ADCK1: variants seen among roughly 807,000 people sequenced by gnomAD.
ADCK1 encodes aarF domain-containing protein kinase 1.
ADCK1 carries 41 observed loss-of-function variants against 52.3 expected under a neutral mutation model. The ratio of observed to expected loss-of-function variants is 0.78; its 90% CI spans 0.61 to 1.02. The LOEUF (loss-of-function observed/expected upper bound fraction) is 1.02. Among genes scored for constraint, ADCK1 ranks in the 50% least tolerant of loss-of-function variants. The pLI is 0.00. For synonymous variants in ADCK1, 250 were observed against 274.6 expected (o/e 0.91, Z 0.89); for missense variants, 658 against 679.5 (o/e 0.97, Z 0.35).
chr14:77,801,645 G>A (rs1187754250), intron 1 of ADCK1, among the ~76,000 whole-genome samples: 1 of 152,044 alleles, frequency 6.6e-6, no homozygotes, highest in Non-Finnish European at 1.5e-5. Context: ...GGACCTGTAA[G>A]AATATTAGTT....
chr14:77,868,601 G>A (rs989848752), intron 4 of ADCK1, among the ~76,000 whole-genome samples: 2 of 152,178 alleles, frequency 1.3e-5, no homozygotes, highest in Non-Finnish European at 2.9e-5. Context: ...CAGGCTGCAC[G>A]TGGGGTGCCT....
intron 9 of ADCK1, among the ~76,000 whole-genome samples, chr14:77,930,621 C>T (rs921854625): frequency 6.6e-6 from 1 of 152,168 alleles, no homozygotes; most frequent in Non-Finnish European, 1.5e-5. Flanking sequence ...CACGTCCCAT[C>T]TCACCACTTA....
At chr14:77,899,372 A>C in intron 6 of ADCK1, 114 bp downstream of exon 6, 1 of 1,392,430 alleles carries the variant, frequency 7.2e-7, no homozygotes, top group Non-Finnish European at 9.9e-7. Flanking sequence ...CTTCTTCCTG[A>C]GTCCTCTTAC....
At chr14:77,857,312 C>A (rs1056026785) in intron 3 of ADCK1, among the ~76,000 whole-genome samples, 4 of 151,866 alleles carry the variant, frequency 2.6e-5, no homozygotes, top group African/African-American at 9.7e-5. Context: ...GACCCTTTCT[C>A]AAAAAAAATT....
chr14:77,915,435 A>G (rs2083899474), intron 7 of ADCK1, among the ~76,000 whole-genome samples: 1 of 148,482 alleles, frequency 6.7e-6, no homozygotes, highest in African/African-American at 2.5e-5. Flanking sequence ...GTGATAAATT[A>G]TGCTGCTATA....
intron 3 of ADCK1, among the ~76,000 whole-genome samples, chr14:77,858,041 A>G (rs2082458928): frequency 6.6e-6 from 1 of 152,168 alleles, no homozygotes; most frequent in Non-Finnish European, 1.5e-5. Flanking sequence ...CAACTCTGGA[A>G]GGACCGGTGA....
intron 10 of ADCK1, among the ~76,000 whole-genome samples, chr14:77,932,200 C>A (rs756242995): frequency 9.9e-5 from 15 of 152,058 alleles, no homozygotes; most frequent in Non-Finnish European, 1.6e-4. Flanking sequence ...AGGCACCCAC[C>A]ACCATATCCA....
chr14:77,806,283 T>G (rs8011337), intron 1 of ADCK1, among the ~76,000 whole-genome samples: 125,676 of 151,796 alleles, frequency 0.83, 52,132 homozygotes, highest in Middle Eastern at 0.86. Context: ...ATTAGTTTTA[T>G]GGAGGGATGG....
chr14:77,886,959 A>ACACTCT lies in ADCK1; in HGVS notation c.424-131_424-130insACTCTC, dbSNP rs1424739076. ...ACACACACGCACAACACACACACAC[A>ACACTCT]CTCTCTCTCTCTTTCTCTCTCAAAT... On this transcript the variant is annotated intron_variant, in intron 4 of 10. Coordinates refer to ENST00000238561, the MANE Select transcript of ADCK1 (RefSeq NM_020421.4). The ACACTCT allele has an allele frequency of 1.6e-5, 15 of 920,938 alleles. No individual in the cohort carries two copies. In the African/African-American group the frequency reaches 2.4e-4, roughly 15 times the overall value. The allele number at this position is 920,938 out of a possible 1,614,324, so 57.0% of individuals were successfully genotyped here. A position where few individuals can be genotyped will look rare whatever the true frequency, so the allele number is the denominator to read the frequency against.
intron 5 of ADCK1, among the ~76,000 whole-genome samples, chr14:77,898,558 G>A (rs1199417414): frequency 1.3e-5 from 2 of 152,092 alleles, no homozygotes; most frequent in Non-Finnish European, 2.9e-5. Flanking sequence ...CCCAAAGACC[G>A]CTTGTTCTCA....
At chr14:77,848,765 G>A (rs2082222528) in intron 3 of ADCK1, among the ~76,000 whole-genome samples, 1 of 151,726 alleles carries the variant, frequency 6.6e-6, no homozygotes, top group Non-Finnish European at 1.5e-5. Flanking sequence ...ACCATGCCCG[G>A]CCTGTTTATT....
At chr14:77,830,735 C>A (rs1019394673) in intron 3 of ADCK1, among the ~76,000 whole-genome samples, 5 of 152,028 alleles carry the variant, frequency 3.3e-5, no homozygotes, top group Admixed American at 2.0e-4. Flanking sequence ...AGAACAGGAA[C>A]CTTTTCTTTT....
chr14:77,815,915 A>G (rs2081440354), intron 1 of ADCK1, among the ~76,000 whole-genome samples: 1 of 149,890 alleles, frequency 6.7e-6, no homozygotes, highest in Non-Finnish European at 1.5e-5. Context: ...TCCTGGGTTC[A>G]AGTGATTCTC....
At chr14:77,924,695 T>A in intron 8 of ADCK1, 89 bp downstream of exon 8, 2 of 1,504,522 alleles carry the variant, frequency 1.3e-6, no homozygotes, top group Non-Finnish European at 1.8e-6. Flanking sequence ...GGGAGGGAGA[T>A]AGCGAGGGTA....
chr14:77,861,497 G>A (rs909292039), intron 4 of ADCK1, among the ~76,000 whole-genome samples: 5 of 152,160 alleles, frequency 3.3e-5, no homozygotes, highest in Admixed American at 1.3e-4. Flanking sequence ...GAGCAGTCTC[G>A]CCTCCAGGAT....
At chr14:77,907,749 C>A in intron 6 of ADCK1, 54 bp from the exon 7 acceptor site, 4 of 1,405,220 alleles carry the variant, frequency 2.8e-6, no homozygotes, top group East Asian at 2.4e-5. Context: ...CATTGTCATC[C>A]TTGCCCGATT....
intron 6 of ADCK1, chr14:77,900,506 G>C: frequency 2.3e-6 from 1 of 433,702 alleles, no homozygotes; most frequent in African/African-American, 2.0e-5. Flanking sequence ...AGAATCGCTT[G>C]GACCCAGGAG....
intron 5 of ADCK1, among the ~76,000 whole-genome samples, chr14:77,891,954 T>G (rs989375066): frequency 6.6e-6 from 1 of 152,212 alleles, no homozygotes; most frequent in African/African-American, 2.4e-5. Flanking sequence ...AAGAAAGGTA[T>G]TAAGCATTTT....
At chr14:77,874,924 G>A (rs2082865245) in intron 4 of ADCK1, among the ~76,000 whole-genome samples, 1 of 152,166 alleles carries the variant, frequency 6.6e-6, no homozygotes, top group Non-Finnish European at 1.5e-5. Context: ...AGGTGGATGG[G>A]ACAATGAGAA....
Sources: gnomAD v4.1 joint callset for allele counts (sites outside exome capture counted in the v4.1 genomes callset) on GRCh38, gnomAD v4.1.1 for gene constraint, MANE v1.5 for transcripts, NCBI Gene and HGNC (gene_info 2026-07-23, HGNC 2026-07-21) for gene names.